Variants in KDM4C observed in about 807,000 individuals in gnomAD.
KDM4C encodes the protein lysine-specific demethylase 4C.
In KDM4C, 81 loss-of-function variants were observed where a neutral mutation model predicts 129.3. That is an observed-to-expected ratio of 0.63 (90% CI 0.52 to 0.75). The LOEUF is 0.75. Ranked by LOEUF, KDM4C falls within the 30% of genes least tolerant of loss-of-function variation. The pLI, the probability that KDM4C is intolerant of heterozygous loss-of-function variation, is 0.00. For synonymous variants in KDM4C, 573 were observed against 456.1 expected (o/e 1.26, Z -3.26); for missense variants, 1,457 against 1,304.0 (o/e 1.12, Z -1.81).
chr9:7,078,386 G>T (rs1017268751), intron 17 of KDM4C, among the ~76,000 whole-genome samples: 3 of 151,420 alleles, frequency 2.0e-5, no homozygotes, highest in Admixed American at 2.0e-4. Flanking sequence ...ATTGTTCCTA[G>T]GTTTCCTTTT....
At position 6,990,523 on chromosome 9, in the gene KDM4C, A is replaced by G. The variant is rs1469214257; in HGVS notation, c.1785A>G (p.Glu595=). 1.9e-6 allele frequency: 3 copies of G among 1,593,084 alleles called. No individual in the cohort carries two copies. The African/African-American group carries it at 4.1e-5, about 22-fold the overall frequency. The change falls in exon 12 of 22, where the codon GAA becomes GAG. Residue 595 remains glutamate (E), a splice_region_variant and synonymous_variant. Transcript: ENST00000381309. Reference sequence around the variant, plus strand: ...TGAAGCAGCAGGCGCCAAGTGATGAAGGTGAGATGGTGACCCTTTTTGGGA... The same window carrying G: ...TGAAGCAGCAGGCGCCAAGTGATGAGGGTGAGATGGTGACCCTTTTTGGGA... ...TLVKQQAPSD[E]ELPEVLSIEE...
intron 1 of KDM4C, among the ~76,000 whole-genome samples, chr9:6,737,753 T>C (rs1442684441): frequency 6.6e-6 from 1 of 151,182 alleles, no homozygotes; most frequent in Non-Finnish European, 1.5e-5. Flanking sequence ...TGAAAAAATG[T>C]TCAACATCAC....
intron 5 of KDM4C, among the ~76,000 whole-genome samples, chr9:6,872,737 T>A (rs2130678802): frequency 6.6e-6 from 1 of 152,282 alleles, no homozygotes; most frequent in Non-Finnish European, 1.5e-5. Context: ...TATTCCTCCA[T>A]CCCTTTATTT....
rs543649973 is a variant in KDM4C, at chr9:6,936,939, A to G, written c.921+43707A>G. On this transcript the variant is annotated intron_variant, in intron 8 of 21. Coordinates refer to ENST00000381309, the MANE Select transcript of KDM4C (RefSeq NM_015061.6). ...TTAGCATTGAGAAAATATTCATTAA[A>G]TGTGTTCTTTTATTGACTTGGTTTT... is the stretch of plus-strand genomic sequence containing the variant. Among the ~76,000 whole-genome samples, 31 of 152,330 alleles carry G rather than the reference A, an allele frequency of 2.0e-4. No individual in the cohort carries two copies. In the South Asian group the frequency reaches 6.2e-3, roughly 31 times the overall value.
intron 2 of KDM4C, among the ~76,000 whole-genome samples, chr9:6,801,151 T>C (rs1362504371): frequency 6.6e-6 from 1 of 151,732 alleles, no homozygotes. Flanking sequence ...TTCAGAGTTA[T>C]AGGTACATGT....
At chr9:6,889,335 T>C (rs1355349353) in intron 7 of KDM4C, among the ~76,000 whole-genome samples, 2 of 151,864 alleles carry the variant, frequency 1.3e-5, no homozygotes, top group East Asian at 3.9e-4. Flanking sequence ...CCCTGCTCCC[T>C]CATAAACTGT....
chr9:6,845,473 T>G (rs1231898330), intron 4 of KDM4C, among the ~76,000 whole-genome samples: 2 of 152,128 alleles, frequency 1.3e-5, no homozygotes, highest in African/African-American at 2.4e-5. Flanking sequence ...CCTTGGCCTC[T>G]GAAAGTATTG....
intron 8 of KDM4C, among the ~76,000 whole-genome samples, chr9:6,977,736 A>G (rs1833171102): frequency 6.6e-6 from 1 of 152,106 alleles, no homozygotes; most frequent in Non-Finnish European, 1.5e-5. Context: ...GTTGCAACAT[A>G]TGATCCAAAC....
intron 8 of KDM4C, among the ~76,000 whole-genome samples, chr9:6,970,607 C>T (rs1317185496): frequency 6.6e-6 from 1 of 152,118 alleles, no homozygotes; most frequent in African/African-American, 2.4e-5. Flanking sequence ...GAAGGAAAGG[C>T]TTGTAATTTA....
intron 13 of KDM4C, 63 bp downstream of exon 13, chr9:7,011,942 A>G (rs1013048730): frequency 5.2e-6 from 7 of 1,358,624 alleles, no homozygotes; most frequent in African/African-American, 2.9e-5. Flanking sequence ...CACATACCAC[A>G]AGATCACTGT....
intron 11 of KDM4C, among the ~76,000 whole-genome samples, chr9:6,988,069 C>G (rs1237570408): frequency 1.4e-5 from 2 of 144,856 alleles, no homozygotes; most frequent in Non-Finnish European, 3.0e-5. Context: ...GTAGGAGGAT[C>G]ACTCGAGCTC....
At position 6,949,145 on chromosome 9, in the gene KDM4C, C is replaced by T. The variant is rs1161183356; in HGVS notation, c.922-31780C>T. 4.1e-5 allele frequency among the ~76,000 whole-genome samples: 6 copies of T among 148,058 alleles called. No individual in the cohort carries two copies. In the East Asian group the frequency reaches 1.2e-3, roughly 30 times the overall value. ...CTTCCCAGACGGGGCGGCTGCTGGG[C>T]GGAGGGGCTCCTCACTTCTTAGACG... On this transcript the variant is annotated intron_variant, in intron 8 of 21. Coordinates refer to ENST00000381309, the MANE Select transcript of KDM4C (RefSeq NM_015061.6).
intron 4 of KDM4C, among the ~76,000 whole-genome samples, chr9:6,848,666 CAG>C (rs1491258017): frequency 8.0e-5 from 12 of 149,968 alleles, no homozygotes; most frequent in African/African-American, 2.2e-4. Context: ...GAGACTGTCT[CAG>C]GGGAAAAAAA....
chr9:6,984,867 G>T (rs998872678), intron 10 of KDM4C, among the ~76,000 whole-genome samples: 1 of 152,140 alleles, frequency 6.6e-6, no homozygotes, highest in African/African-American at 2.4e-5. Context: ...TAGTCCCCTT[G>T]CTTCTCTTTT....
intron 20 of KDM4C, among the ~76,000 whole-genome samples, chr9:7,168,041 C>T (rs1360701026): frequency 6.6e-6 from 1 of 152,098 alleles, no homozygotes; most frequent in Non-Finnish European, 1.5e-5. Context: ...TAAAAATTAG[C>T]CAGGCATGGT....
chr9:6,742,294 GCAATA>G (rs147762080), intron 1 of KDM4C, among the ~76,000 whole-genome samples: 1 of 152,206 alleles, frequency 6.6e-6, no homozygotes, highest in East Asian at 1.9e-4. Context: ...AATGCAGTGG[GCAATA>G]CATTATCTTT....
intron 1 of KDM4C, among the ~76,000 whole-genome samples, chr9:6,780,714 G>T (rs1824149405): frequency 7.7e-6 from 1 of 129,126 alleles, no homozygotes; most frequent in South Asian, 2.6e-4. Flanking sequence ...GTTGCAGTGA[G>T]CCGAGATTCC....
intron 8 of KDM4C, among the ~76,000 whole-genome samples, chr9:6,964,239 C>A (rs1275658834): frequency 1.6e-4 from 23 of 147,448 alleles, no homozygotes; most frequent in Admixed American, 1.5e-3. Flanking sequence ...TCCCTCCCCC[C>A]TCCCCTGACC....
chr9:6,952,975 A>C (rs765437574), intron 8 of KDM4C, among the ~76,000 whole-genome samples: 2 of 152,174 alleles, frequency 1.3e-5, no homozygotes, highest in African/African-American at 4.8e-5. Context: ...TGGTACTTGC[A>C]TTTTTATGTG....
Sources: allele counts gnomAD v4.1 joint callset (sites outside exome capture counted in the v4.1 genomes callset), GRCh38; gene constraint gnomAD v4.1.1; transcripts MANE v1.5; gene names NCBI Gene and HGNC (gene_info 2026-07-23, HGNC 2026-07-21).